The following SYN3 variants were observed in gnomAD, a reference collection of about 807,000 sequenced individuals.
SYN3 encodes synapsin-3.
In SYN3, 35 loss-of-function variants were observed where a neutral mutation model predicts 65.8. The ratio of observed to expected loss-of-function variants is 0.53; its 90% CI spans 0.41 to 0.70. The LOEUF (loss-of-function observed/expected upper bound fraction) is 0.70, where lower values mean the gene tolerates loss of function less well. Ranked by LOEUF, SYN3 falls within the 30% of genes least tolerant of loss-of-function variation. SYN3 has a pLI of 0.00. For synonymous variants in SYN3, 270 were observed against 292.9 expected (o/e 0.92, Z 0.80); for missense variants, 680 against 749.0 (o/e 0.91, Z 1.08).
At chr22:33,051,945 G>A (rs2054173401) in intron 1 of SYN3, among the ~76,000 whole-genome samples, 2 of 152,136 alleles carry the variant, frequency 1.3e-5, no homozygotes, top group Admixed American at 1.3e-4. Context: ...CTGACAGAAA[G>A]CTACACCAAG....
intron 6 of SYN3, among the ~76,000 whole-genome samples, chr22:32,775,878 T>C (rs2045895999): frequency 6.6e-6 from 1 of 152,156 alleles, no homozygotes; most frequent in Non-Finnish European, 1.5e-5. Flanking sequence ...TCCTGAAACC[T>C]GTGAATGTTA....
chr22:32,590,550 C>T (rs1390185311), intron 7 of SYN3, among the ~76,000 whole-genome samples: 3 of 152,212 alleles, frequency 2.0e-5, no homozygotes, highest in African/African-American at 4.8e-5. Context: ...CCTAAAATAA[C>T]TCCTGTGCGA....
chr22:32,634,956 A>G (rs1167083106), intron 6 of SYN3: 1 of 150,828 alleles, frequency 6.6e-6, no homozygotes, highest in East Asian at 1.9e-4. Flanking sequence ...TTAGCTCATC[A>G]GCTATCATTA....
chr22:32,795,963 C>G (rs1349809991), intron 6 of SYN3, among the ~76,000 whole-genome samples: 1 of 152,148 alleles, frequency 6.6e-6, no homozygotes, highest in Non-Finnish European at 1.5e-5. Context: ...AACCACATGT[C>G]CATCCCATTC....
intron 3 of SYN3, among the ~76,000 whole-genome samples, chr22:32,972,478 T>C (rs764252059): frequency 6.6e-6 from 1 of 152,198 alleles, no homozygotes; most frequent in African/African-American, 2.4e-5. Context: ...CATCCTTCTA[T>C]AGTCTCTCCT....
intron 6 of SYN3, among the ~76,000 whole-genome samples, chr22:32,707,159 G>T (rs2147227156): frequency 6.6e-6 from 1 of 152,238 alleles, no homozygotes; most frequent in South Asian, 2.1e-4. Flanking sequence ...ACCCATGATG[G>T]GTAATGAATG....
intron 6 of SYN3, among the ~76,000 whole-genome samples, chr22:32,630,615 C>G (rs2059734842): frequency 6.6e-6 from 1 of 152,134 alleles, no homozygotes; most frequent in Non-Finnish European, 1.5e-5. Context: ...ACGTTACAAA[C>G]AGTAAAATGA....
At chr22:32,572,243 C>CTCCTTCCTTCCTTCCTTCCTTCCT (rs796725900) in intron 7 of SYN3, among the ~76,000 whole-genome samples, 36 of 112,302 alleles carry the variant, frequency 3.2e-4, no homozygotes, top group South Asian at 9.1e-4. Context: ...CAGATTCTGG[C>CTCCTTCCTTCCTTCCTTCCTTCCT]TCCTTCCTTC....
At chr22:32,694,011 G>A (rs1601927103) in intron 6 of SYN3, among the ~76,000 whole-genome samples, 1 of 151,974 alleles carries the variant, frequency 6.6e-6, no homozygotes, top group East Asian at 1.9e-4. Flanking sequence ...AAAATGAAAT[G>A]TTTGTTTTCT....
intron 3 of SYN3, among the ~76,000 whole-genome samples, chr22:32,959,756 G>T (rs73162026): frequency 6.6e-6 from 1 of 151,894 alleles, no homozygotes; most frequent in Non-Finnish European, 1.5e-5. Context: ...CACAATGCCT[G>T]GCTAATTTTT....
intron 6 of SYN3, among the ~76,000 whole-genome samples, chr22:32,667,308 CT>C (rs1349553567): frequency 5.3e-5 from 8 of 151,938 alleles, no homozygotes; most frequent in Admixed American, 1.3e-4. Flanking sequence ...CCCTTTTCCC[CT>C]TTCTTTATTC....
At chr22:32,585,767 G>C (rs2059013833) in intron 7 of SYN3, among the ~76,000 whole-genome samples, 1 of 152,058 alleles carries the variant, frequency 6.6e-6, no homozygotes. Context: ...AGTTAGCTCT[G>C]CTTACGCCTA....
intron 2 of SYN3, among the ~76,000 whole-genome samples, chr22:32,990,301 AATCCATCCATCCATCC>A (rs113493698): frequency 2.9e-5 from 4 of 139,440 alleles, no homozygotes; most frequent in Admixed American, 2.1e-4. Context: ...TCCATCCATG[AATCCATCCATCCATCC>A]ATCCATCCAT....
chr22:32,759,612 CT>C (rs113248764), intron 6 of SYN3, among the ~76,000 whole-genome samples: 16,909 of 147,924 alleles, frequency 0.11, 1,108 homozygotes, highest in Admixed American at 0.15. Flanking sequence ...CACCCTCGAC[CT>C]GCCTGATTCC....
intron 7 of SYN3, among the ~76,000 whole-genome samples, chr22:32,595,636 G>C (rs1431635229): frequency 1.3e-5 from 2 of 152,134 alleles, no homozygotes; most frequent in Admixed American, 6.5e-5. Flanking sequence ...TTGCATTTGG[G>C]TCCCCACCCA....
chr22:33,009,496 C>T (rs1415618837), intron 1 of SYN3, among the ~76,000 whole-genome samples: 2 of 151,840 alleles, frequency 1.3e-5, no homozygotes, highest in Non-Finnish European at 2.9e-5. Flanking sequence ...TGTAGGAGTT[C>T]TTTATACATT....
At position 32,961,038 on chromosome 22, in the gene SYN3, G is replaced by A. The variant is rs114600525; in HGVS notation, c.369+19607C>T. 5.5e-3 allele frequency among the ~76,000 whole-genome samples: 845 copies of A among 152,256 alleles called. 5 individuals carry two copies. Among genetic ancestry groups the A allele is most frequent in the African/African-American group, 0.019 (781 of 41,554 alleles). On this transcript the variant is annotated intron_variant, in intron 3 of 13. Transcript: ENST00000358763. ...ACAAAGGTGTGTTTTTGAGTTGTTC[G>A]GTCTAGAAGGGGGTTTCTCAACCTT...
At chr22:32,848,910 C>A (rs2048142823) in intron 6 of SYN3, among the ~76,000 whole-genome samples, 2 of 152,134 alleles carry the variant, frequency 1.3e-5, no homozygotes, top group Admixed American at 1.3e-4. Context: ...GCACTGGATA[C>A]CAAGGGCTCA....
intron 7 of SYN3, among the ~76,000 whole-genome samples, chr22:32,581,355 C>T (rs1328753193): frequency 7.2e-5 from 11 of 152,170 alleles, no homozygotes; most frequent in Non-Finnish European, 1.2e-4. Context: ...GTGATCGGCC[C>T]GCCTTGGCAT....
Sources: gnomAD v4.1 joint callset for allele counts (sites outside exome capture counted in the v4.1 genomes callset) on GRCh38, gnomAD v4.1.1 for gene constraint, MANE v1.5 for transcripts, NCBI Gene and HGNC (gene_info 2026-07-23, HGNC 2026-07-21) for gene names.